Variants in SAMD3 observed in about 807,000 individuals in gnomAD.
SAMD3 encodes the protein sterile alpha motif domain containing 3, also known as sterile alpha motif domain-containing protein 3.
SAMD3 carries 63 observed loss-of-function variants against 58.5 expected under a neutral mutation model. That is an observed-to-expected ratio of 1.08 (90% CI 0.88 to 1.33). The LOEUF (loss-of-function observed/expected upper bound fraction) is 1.33, where lower values mean the gene tolerates loss of function less well. SAMD3 is among the 40% of genes most tolerant of loss of function. The pLI, the probability that SAMD3 is intolerant of heterozygous loss-of-function variation, is 0.00. For missense variants in SAMD3, 604 were observed against 608.4 expected, an observed-to-expected ratio of 0.99 and a Z score of 0.08; for synonymous variants, 220 against 210.3, an observed-to-expected ratio of 1.05 and a Z score of -0.40.
At chr6:130,336,244 A>G (rs928267239) in intron 1 of SAMD3, among the ~76,000 whole-genome samples, 8 of 152,204 alleles carry the variant, frequency 5.3e-5, no homozygotes, top group Admixed American at 4.6e-4. Context: ...ATTACCAAAA[A>G]AACCCACATA....
intron 2 of SAMD3, among the ~76,000 whole-genome samples, chr6:130,269,162 A>AT (rs1398534868): frequency 1.3e-5 from 2 of 151,956 alleles, no homozygotes; most frequent in Non-Finnish European, 2.9e-5. Context: ...AGGTTCTTTT[A>AT]TTTTTTTGCC....
chr6:130,158,998 A>G (rs147184382), intron 8 of SAMD3, among the ~76,000 whole-genome samples: 1 of 152,308 alleles, frequency 6.6e-6, no homozygotes, highest in Non-Finnish European at 1.5e-5. Context: ...TTATATCCCA[A>G]TGCAAATGAA....
At chr6:130,150,751 G>A (rs558135058) in intron 9 of SAMD3, among the ~76,000 whole-genome samples, 16 of 146,884 alleles carry the variant, frequency 1.1e-4, no homozygotes, top group African/African-American at 3.3e-4. Context: ...TCACTCCATC[G>A]CCCAGGCTGG....
chr6:130,187,903 T>C (rs1317972577), intron 5 of SAMD3, among the ~76,000 whole-genome samples: 1 of 152,182 alleles, frequency 6.6e-6, no homozygotes, highest in Admixed American at 6.5e-5. Context: ...TAGAATCAAC[T>C]AGGAAGCTTT....
At chr6:130,315,383 C>T (rs1776328044) in intron 1 of SAMD3, among the ~76,000 whole-genome samples, 1 of 152,128 alleles carries the variant, frequency 6.6e-6, no homozygotes, top group Admixed American at 6.5e-5. Context: ...GGCATAATCA[C>T]TGGATTAGAC....
intron 1 of SAMD3, among the ~76,000 whole-genome samples, chr6:130,360,714 G>A (rs1039883329): frequency 3.9e-5 from 6 of 152,134 alleles, no homozygotes; most frequent in African/African-American, 1.4e-4. Flanking sequence ...TATTAGGCGT[G>A]AATTTCCTCT....
chr6:130,364,532 C>A (rs989859523), intron 1 of SAMD3, among the ~76,000 whole-genome samples: 1 of 151,966 alleles, frequency 6.6e-6, no homozygotes, highest in African/African-American at 2.4e-5. Flanking sequence ...CCAATGGAAG[C>A]ACACTCCTTT....
intron 8 of SAMD3, among the ~76,000 whole-genome samples, chr6:130,158,564 A>G (rs1479802722): frequency 6.6e-6 from 1 of 152,206 alleles, no homozygotes; most frequent in Non-Finnish European, 1.5e-5. Context: ...ATATAGAAAT[A>G]TTTCTTATCA....
At chr6:130,235,216 A>T (rs1039199423) in intron 2 of SAMD3, among the ~76,000 whole-genome samples, 2 of 152,196 alleles carry the variant, frequency 1.3e-5, no homozygotes, top group Non-Finnish European at 2.9e-5. Context: ...TTTTTCTCTG[A>T]TGTAACTTGC....
At chr6:130,259,465 A>G (rs1446275231) in intron 2 of SAMD3, among the ~76,000 whole-genome samples, 5 of 152,182 alleles carry the variant, frequency 3.3e-5, no homozygotes, top group Non-Finnish European at 5.9e-5. Context: ...TTAATTTTTC[A>G]TGAGTGATCA....
intron 1 of SAMD3, among the ~76,000 whole-genome samples, chr6:130,346,266 G>T (rs1275779792): frequency 6.6e-6 from 1 of 152,230 alleles, no homozygotes; most frequent in Non-Finnish European, 1.5e-5. Flanking sequence ...GCTGAAGCAG[G>T]GTGAGGGATC....
chr6:130,227,605 T>C (rs1796417259), upstream of SAMD3, among the ~76,000 whole-genome samples: 2 of 152,054 alleles, frequency 1.3e-5, no homozygotes, highest in East Asian at 1.9e-4. Flanking sequence ...CTGGCCAACA[T>C]GGTGAAACCT....
intron 2 of SAMD3, among the ~76,000 whole-genome samples, chr6:130,268,711 GC>G (rs1433403762): frequency 2.0e-5 from 3 of 152,116 alleles, no homozygotes; most frequent in Non-Finnish European, 4.4e-5. Flanking sequence ...ACAGCAATAG[GC>G]TATCCCATAT....
intron 5 of SAMD3, among the ~76,000 whole-genome samples, chr6:130,200,062 C>T (rs2114781684): frequency 6.6e-6 from 1 of 152,104 alleles, no homozygotes; most frequent in South Asian, 2.1e-4. Flanking sequence ...AGATTCAAGG[C>T]CTCGGGAGTC....
At chr6:130,143,991 C>T (rs975858224), downstream of SAMD3, 1 of 153,118 alleles carries the variant, frequency 6.5e-6, no homozygotes, top group East Asian at 1.9e-4. Context: ...AAAAATGCCG[C>T]AGCCCTTATT....
intron 2 of SAMD3, among the ~76,000 whole-genome samples, chr6:130,298,458 T>C (rs1030670395): frequency 1.3e-5 from 2 of 152,076 alleles, no homozygotes; most frequent in Non-Finnish European, 2.9e-5. Flanking sequence ...TATAAGGCAA[T>C]TATATAATTG....
intron 8 of SAMD3, chr6:130,159,844 G>A (rs1304854624): frequency 6.6e-6 from 1 of 151,912 alleles, no homozygotes; most frequent in Non-Finnish European, 1.5e-5. Flanking sequence ...GACATGAACA[G>A]ACACTTTACA....
At chr6:130,294,598 G>C (rs1294876292) in intron 2 of SAMD3, among the ~76,000 whole-genome samples, 2 of 150,156 alleles carry the variant, frequency 1.3e-5, no homozygotes, top group African/African-American at 4.9e-5. Flanking sequence ...CTAATTTCAA[G>C]GATTAATTTT....
At chr6:130,364,427 A>AG (rs1473265874) in intron 1 of SAMD3, among the ~76,000 whole-genome samples, 1 of 152,098 alleles carries the variant, frequency 6.6e-6, no homozygotes, top group East Asian at 1.9e-4. Context: ...TTAGATAGTG[A>AG]GGGGAACCAG....
Sources: gnomAD v4.1 joint callset for allele counts (sites outside exome capture counted in the v4.1 genomes callset) on GRCh38, gnomAD v4.1.1 for gene constraint, MANE v1.5 for transcripts, NCBI Gene and HGNC (gene_info 2026-07-23, HGNC 2026-07-21) for gene names.